PRH1: variants seen among roughly 807,000 people sequenced by gnomAD.
PRH1 encodes the protein proline rich protein HaeIII subfamily 1.
A neutral mutation model predicts 7.9 loss-of-function variants in PRH1; 7 were observed. That is an observed-to-expected ratio of 0.89 (90% CI 0.50 to 1.67). The LOEUF (loss-of-function observed/expected upper bound fraction) is 1.67. Ranked by LOEUF, PRH1 falls within the 40% of genes most tolerant of loss-of-function variation. PRH1 has a pLI of 0.00. For synonymous variants in PRH1, 45 were observed against 80.8 expected, an observed-to-expected ratio of 0.56 and a Z score of 2.38; for missense variants, 109 against 223.6, an observed-to-expected ratio of 0.49 and a Z score of 3.27.
intron 1 of PRH1, among the ~76,000 whole-genome samples, chr12:11,131,859 C>T (rs919154137): frequency 6.6e-6 from 1 of 152,218 alleles, no homozygotes; most frequent in African/African-American, 2.4e-5. Context: ...TGGTTTACCA[C>T]ATCAGCTTAC....
At chr12:10,951,139 G>A (rs900552056) in intron 2 of PRH1, among the ~76,000 whole-genome samples, 1 of 152,100 alleles carries the variant, frequency 6.6e-6, no homozygotes, top group Non-Finnish European at 1.5e-5. Flanking sequence ...TTTAAACAAC[G>A]TCTCTTCTTG....
At chr12:10,906,501 T>G (rs917202510) in intron 2 of PRH1, among the ~76,000 whole-genome samples, 1 of 152,192 alleles carries the variant, frequency 6.6e-6, no homozygotes, top group Non-Finnish European at 1.5e-5. Flanking sequence ...AATGATATGG[T>G]CTGGCTGTGT....
chr12:10,939,364 G>T, intron 2 of PRH1: 2 of 534,758 alleles, frequency 3.7e-6, no homozygotes, highest in South Asian at 3.3e-5. Context: ...TTTGCTAATG[G>T]CTGGGTTTAA....
intron 1 of PRH1, among the ~76,000 whole-genome samples, chr12:10,883,618 C>T (rs763425967): frequency 6.6e-6 from 1 of 152,314 alleles, no homozygotes; most frequent in South Asian, 2.1e-4. Flanking sequence ...TATAATCTTA[C>T]GCATGCCATT....
At chr12:11,099,378 G>GCCA (rs146008116) in intron 1 of PRH1, among the ~76,000 whole-genome samples, 1 of 80,446 alleles carries the variant, frequency 1.2e-5, no homozygotes, top group Non-Finnish European at 3.1e-5. Context: ...TCTCCAAGAT[G>GCCA]CCGAATTTGG....
intron 1 of PRH1, among the ~76,000 whole-genome samples, chr12:11,088,963 C>T (rs114559581): frequency 0.025 from 2,911 of 115,522 alleles, 848 homozygotes; most frequent in South Asian, 0.036. Flanking sequence ...AAGTGGAGAA[C>T]ATTAATCCAA....
intron 2 of PRH1, chr12:10,908,718 GC>G: frequency 6.2e-7 from 1 of 1,613,404 alleles, no homozygotes. Flanking sequence ...AGAGATGAAG[GC>G]CACAGTAAAT....
intron 1 of PRH1, among the ~76,000 whole-genome samples, chr12:11,075,406 T>A (rs201107169): frequency 2.8e-3 from 238 of 83,814 alleles, no homozygotes; most frequent in East Asian, 5.6e-3. Flanking sequence ...ATTTCTTTTG[T>A]GTTCACTTCT....
At chr12:11,154,013 GAAGT>G (rs1428553469) in intron 1 of PRH1, among the ~76,000 whole-genome samples, 4 of 152,046 alleles carry the variant, frequency 2.6e-5, no homozygotes, top group African/African-American at 7.2e-5. Flanking sequence ...TTGAAATAAA[GAAGT>G]AATATTTAAA....
intron 1 of PRH1, chr12:10,997,610 GCCCAGGCATT>G: frequency 6.2e-7 from 1 of 1,613,980 alleles, no homozygotes; most frequent in Non-Finnish European, 8.5e-7. Context: ...ATTGGTTACT[GCCCAGGCATT>G]AGAAATAAAA....
chr12:11,132,214 A>G (rs1946366953), intron 1 of PRH1, among the ~76,000 whole-genome samples: 1 of 152,286 alleles, frequency 6.6e-6, no homozygotes, highest in African/African-American at 2.4e-5. Flanking sequence ...AATCATTGAC[A>G]ACAAAATTAC....
intron 1 of PRH1, chr12:11,031,490 T>A: frequency 4.1e-6 from 3 of 733,142 alleles, no homozygotes; most frequent in Non-Finnish European, 6.0e-6. Context: ...ACCCAAAGAG[T>A]GAGCAACAGC....
chr12:11,056,594 G>C (rs1340067369), intron 1 of PRH1, among the ~76,000 whole-genome samples: 1 of 152,148 alleles, frequency 6.6e-6, no homozygotes, highest in Non-Finnish European at 1.5e-5. Context: ...GAGGCAGGTG[G>C]ATCACCTGAG....
intron 2 of PRH1, among the ~76,000 whole-genome samples, chr12:10,894,330 T>G (rs1013762097): frequency 6.6e-6 from 1 of 152,186 alleles, no homozygotes; most frequent in Non-Finnish European, 1.5e-5. Flanking sequence ...TGGTCAAAGT[T>G]GCTTAGTGTT....
intron 1 of PRH1, among the ~76,000 whole-genome samples, chr12:11,015,108 A>T (rs542878149): frequency 6.6e-6 from 1 of 152,272 alleles, no homozygotes; most frequent in South Asian, 2.1e-4. Context: ...GCATTCCACC[A>T]AAAAAGGGAA....
intron 1 of PRH1, among the ~76,000 whole-genome samples, chr12:11,059,788 T>C (rs7970996): frequency 0.22 from 33,380 of 151,618 alleles, 3,500 homozygotes; most frequent in Non-Finnish European, 0.23. Flanking sequence ...AACAGGGGAA[T>C]TCATGCAACT....
intron 1 of PRH1, chr12:11,030,278 T>C (rs1223537229): frequency 1.4e-5 from 20 of 1,457,962 alleles, no homozygotes; most frequent in Non-Finnish European, 1.8e-5. Context: ...GTCAAAGGCT[T>C]TTCTAGGTAT....
upstream of PRH1, among the ~76,000 whole-genome samples, chr12:11,047,586 A>C (rs545791771): frequency 2.0e-5 from 3 of 152,274 alleles, no homozygotes; most frequent in African/African-American, 7.2e-5. Flanking sequence ...TTAAAAAATT[A>C]TAACAGCACT....
chr12:10,968,124 T>C (rs1362424162), intron 2 of PRH1, among the ~76,000 whole-genome samples: 1 of 149,810 alleles, frequency 6.7e-6, no homozygotes, highest in African/African-American at 2.5e-5. Flanking sequence ...ACAAAAATAA[T>C]AGATTGATCA....
Sources: gnomAD v4.1 joint callset for allele counts (sites outside exome capture counted in the v4.1 genomes callset) on GRCh38, gnomAD v4.1.1 for gene constraint, MANE v1.5 for transcripts, NCBI Gene and HGNC (gene_info 2026-07-23, HGNC 2026-07-21) for gene names.